AKT3: variants seen among roughly 807,000 people sequenced by gnomAD.
The protein encoded by AKT3 is RAC-gamma serine/threonine-protein kinase.
AKT3 carries 15 observed loss-of-function variants against 65.3 expected under a neutral mutation model. That is an observed-to-expected ratio of 0.23 (90% CI 0.15 to 0.35). AKT3 has a LOEUF of 0.35. Ranked by LOEUF, AKT3 falls within the 10% of genes least tolerant of loss-of-function variation. The probability of loss-of-function intolerance (pLI) is 1.00; values close to 1 mark genes in which losing one functional copy is unlikely to be tolerated. For synonymous variants in AKT3, 206 were observed against 183.8 expected (o/e 1.12, Z -0.98); for missense variants, 243 against 576.5 (o/e 0.42, Z 5.92).
At chr1:243,649,924 T>C (rs1162029253) in intron 4 of AKT3, among the ~76,000 whole-genome samples, 1 of 152,212 alleles carries the variant, frequency 6.6e-6, no homozygotes, top group African/African-American at 2.4e-5. Context: ...TTTGGGTATA[T>C]ACCCACTAAT....
intron 8 of AKT3, among the ~76,000 whole-genome samples, chr1:243,587,730 T>G (rs781543444): frequency 2.6e-5 from 4 of 152,162 alleles, no homozygotes; most frequent in Non-Finnish European, 5.9e-5. Flanking sequence ...TCCAACCAGG[T>G]TGAAGAAAAA....
At chr1:243,808,208 G>A (rs1367954149) in intron 2 of AKT3, 1 of 152,174 alleles carries the variant, frequency 6.6e-6, no homozygotes, top group African/African-American at 2.4e-5. Flanking sequence ...GAGAGCAGAA[G>A]GCTTCAGACA....
rs2148004804 is a variant in AKT3, at chr1:243,689,355, T to C, written c.172+6236A>G. ...TATTATTCTAGGTTGTATTATCTGT[T>C]ACACAAGACTAAGAATCAAGTCATA... On this transcript the variant is annotated intron_variant, in intron 3 of 13. Coordinates refer to ENST00000673466, the MANE Select transcript of AKT3 (RefSeq NM_005465.7). 1.3e-5 allele frequency among the ~76,000 whole-genome samples: 2 copies of C among 152,198 alleles called. 1 individual carries two copies. The highest frequency in any genetic ancestry group is 2.9e-5 in the Non-Finnish European group (2 of 68,002).
intron 2 of AKT3, among the ~76,000 whole-genome samples, chr1:243,742,953 T>G (rs761921158): frequency 1.3e-5 from 2 of 152,026 alleles, no homozygotes; most frequent in African/African-American, 2.4e-5. Flanking sequence ...TACATAAACT[T>G]TAGAACATGT....
chr1:243,758,812 C>G (rs983593530), intron 2 of AKT3, among the ~76,000 whole-genome samples: 7 of 152,166 alleles, frequency 4.6e-5, no homozygotes, highest in South Asian at 2.1e-4. Flanking sequence ...TGGTAATGCT[C>G]GCTCACCTCT....
At chr1:243,497,247 G>A (rs549568374), downstream of AKT3, among the ~76,000 whole-genome samples, 109 of 145,444 alleles carry the variant, frequency 7.5e-4, no homozygotes, top group African/African-American at 2.6e-3. Context: ...AAATGGAGGC[G>A]ACAAAACGGT....
chr1:243,761,850 A>G (rs188699326), intron 2 of AKT3, among the ~76,000 whole-genome samples: 10 of 152,282 alleles, frequency 6.6e-5, no homozygotes, highest in Non-Finnish European at 8.8e-5. Context: ...AAGAAATATA[A>G]TAAGTATTTT....
chr1:243,594,018 T>A (rs1258738931), intron 8 of AKT3, among the ~76,000 whole-genome samples: 1 of 152,174 alleles, frequency 6.6e-6, no homozygotes, highest in Non-Finnish European at 1.5e-5. Flanking sequence ...CTGCTATTAT[T>A]TACAAAGAGC....
intron 3 of AKT3, among the ~76,000 whole-genome samples, chr1:243,693,101 T>A (rs190242799): frequency 3.0e-4 from 46 of 150,982 alleles, no homozygotes; most frequent in African/African-American, 6.8e-4. Context: ...CCTTTACAGT[T>A]CTCATACTCT....
At chr1:243,656,208 A>T (rs922212957) in intron 4 of AKT3, among the ~76,000 whole-genome samples, 3 of 152,164 alleles carry the variant, frequency 2.0e-5, no homozygotes, top group African/African-American at 7.2e-5. Flanking sequence ...ATGTTTAAAA[A>T]TGTAATTAAT....
chr1:243,838,062 T>C (rs1285976397), intron 2 of AKT3, among the ~76,000 whole-genome samples: 2 of 151,636 alleles, frequency 1.3e-5, no homozygotes, highest in Non-Finnish European at 2.9e-5. Flanking sequence ...TGATTGTTGA[T>C]TGAGAAGGAG....
rs149495670 is a variant in AKT3, at chr1:243,489,688, G to C, written c.*7-1238C>G. ...ACATGCATTAATTCCCTTTACCCTT[G>C]AACAAGCAGGCGATGCTGACTTTAT... is the stretch of plus-strand genomic sequence containing the variant. On this transcript the variant is annotated intron_variant, in intron 13 of 13. Transcript: ENST00000336199. Among the ~76,000 whole-genome samples, 3 of 152,258 alleles carry C rather than the reference G, an allele frequency of 2.0e-5. No individual in the cohort carries two copies. In the East Asian group the frequency reaches 5.8e-4, roughly 29 times the overall value.
intron 6 of AKT3, among the ~76,000 whole-genome samples, chr1:243,626,021 T>C (rs1450414686): frequency 1.3e-5 from 2 of 152,214 alleles, no homozygotes; most frequent in South Asian, 4.1e-4. Flanking sequence ...AAGCTGCATA[T>C]GCAAACCATG....
intron 2 of AKT3, among the ~76,000 whole-genome samples, chr1:243,786,561 A>G (rs1691274649): frequency 6.6e-6 from 1 of 152,228 alleles, no homozygotes; most frequent in African/African-American, 2.4e-5. Flanking sequence ...TAAATTAGCA[A>G]AAGTTAACTA....
intron 2 of AKT3, among the ~76,000 whole-genome samples, chr1:243,773,038 G>C: frequency 7.7e-6 from 1 of 129,700 alleles, no homozygotes; most frequent in East Asian, 2.5e-4. Flanking sequence ...GGGCTGTTGT[G>C]GGGTGGGGGG....
intron 3 of AKT3, among the ~76,000 whole-genome samples, chr1:243,693,909 A>G (rs1156902651): frequency 2.0e-5 from 3 of 152,192 alleles, no homozygotes; most frequent in Non-Finnish European, 4.4e-5. Flanking sequence ...CTACTTGATT[A>G]TACAAGATTA....
At chr1:243,730,284 C>T (rs888990424) in intron 2 of AKT3, among the ~76,000 whole-genome samples, 1 of 152,192 alleles carries the variant, frequency 6.6e-6, no homozygotes, top group Non-Finnish European at 1.5e-5. Flanking sequence ...TAGGAGCTGC[C>T]CGCTTTGGGT....
intron 13 of AKT3, among the ~76,000 whole-genome samples, chr1:243,511,868 T>C (rs1318097711): frequency 6.6e-6 from 1 of 152,214 alleles, no homozygotes; most frequent in Non-Finnish European, 1.5e-5. Flanking sequence ...GATAATACTA[T>C]TTAAGAGAGA....
In AKT3 at chr1:243,502,899, AAAC is replaced by A. The variant is rs774370271; in HGVS notation, c.*2347_*2349del. On this transcript the variant is annotated 3_prime_UTR_variant, in exon 14 of 14. Transcript: ENST00000673466. ...TTAAGATTTGCGGGAGAAAAAACCA[AAAC>A]AACAAAAAGCTGTGTGCTTAGTGTT... The A allele has an allele frequency of 4.3e-5, 10 of 233,306 alleles. No homozygotes were observed. The highest frequency in any genetic ancestry group is 3.6e-4 in the South Asian group (2 of 5,534). The allele number at this position is 233,306 out of a possible 1,614,324, so 14.5% of individuals were successfully genotyped here.
Sources: gnomAD v4.1 joint callset for allele counts (sites outside exome capture counted in the v4.1 genomes callset) on GRCh38, gnomAD v4.1.1 for gene constraint, MANE v1.5 for transcripts, NCBI Gene and HGNC (gene_info 2026-07-23, HGNC 2026-07-21) for gene names.